Variants in TMEM150C observed in about 807,000 individuals in gnomAD.
TMEM150C encodes tentonin 3.
Under a neutral mutation model 29.9 loss-of-function variants are expected in TMEM150C, and 10 were observed. That is an observed-to-expected ratio of 0.33 (90% CI 0.21 to 0.57). The LOEUF (loss-of-function observed/expected upper bound fraction) is 0.57, where lower values mean the gene tolerates loss of function less well. TMEM150C is among the 20% of genes least tolerant of loss of function. The pLI is 0.88. For synonymous variants in TMEM150C, 101 were observed against 112.5 expected, an observed-to-expected ratio of 0.90 and a Z score of 0.64; for missense variants, 251 against 303.6, an observed-to-expected ratio of 0.83 and a Z score of 1.29.
At chr4:82,557,734 CTTTTTT>C (rs767919077) in intron 1 of TMEM150C, among the ~76,000 whole-genome samples, 1 of 131,376 alleles carries the variant, frequency 7.6e-6, no homozygotes, top group Non-Finnish European at 1.6e-5. Flanking sequence ...TTTTCTTTTT[CTTTTTT>C]TTTTTTTTTT....
chr4:82,486,335 T>TAAAAAAAAA (rs527967958), intron 7 of TMEM150C, among the ~76,000 whole-genome samples: 59 of 51,288 alleles, frequency 1.2e-3, no homozygotes, highest in African/African-American at 4.6e-3. Flanking sequence ...GACTCCATCT[T>TAAAAAAAAA]AAAAAAAAAA....
chr4:82,504,819 A>G (rs952958844), intron 1 of TMEM150C, among the ~76,000 whole-genome samples, 152 bp from the exon 2 acceptor site: 1 of 152,144 alleles, frequency 6.6e-6, no homozygotes, highest in African/African-American at 2.4e-5. Flanking sequence ...TCACGAGGTC[A>G]GGAGATCGAG....
chr4:82,556,519 T>A (rs1254149904), intron 1 of TMEM150C, among the ~76,000 whole-genome samples: 1 of 152,190 alleles, frequency 6.6e-6, no homozygotes, highest in African/African-American at 2.4e-5. Context: ...AAAATTGTTT[T>A]GAAAACACTA....
chr4:82,516,286 G>A lies in TMEM150C; in HGVS notation c.-10-11619C>T, dbSNP rs190886217. ...AACCTCCTCCTCAAACAAGCTGGCA[G>A]CTGCTCAGTGGATGTGTTATACCAG... On this transcript the variant is annotated intron_variant, in intron 1 of 7. Coordinates refer to ENST00000449862, the MANE Select transcript of TMEM150C (RefSeq NM_001080506.3). Among the ~76,000 whole-genome samples, 427 of 152,212 alleles carry A rather than the reference G, an allele frequency of 2.8e-3. 3 individuals carry two copies. Among genetic ancestry groups the A allele is most frequent in the African/African-American group, 9.8e-3 (408 of 41,468 alleles).
intron 1 of TMEM150C, among the ~76,000 whole-genome samples, chr4:82,539,456 C>G (rs1293176826): frequency 1.6e-5 from 2 of 123,350 alleles, no homozygotes; most frequent in Non-Finnish European, 3.2e-5. Flanking sequence ...AAAATCCAAA[C>G]AACTTTTTTT....
chr4:82,548,542 G>A (rs1374369701), intron 1 of TMEM150C, among the ~76,000 whole-genome samples: 2 of 152,164 alleles, frequency 1.3e-5, no homozygotes, highest in East Asian at 3.8e-4. Flanking sequence ...CTGCAGTCCA[G>A]TCCCTCTGAA....
intron 2 of TMEM150C, 47 bp downstream of exon 2, chr4:82,504,531 C>T (rs1209386775): frequency 6.6e-7 from 1 of 1,518,282 alleles, no homozygotes; most frequent in Non-Finnish European, 9.1e-7. Context: ...ACATTTGTAT[C>T]TACATTGCAC....
intron 6 of TMEM150C, 107 bp downstream of exon 6, chr4:82,495,961 C>T (rs1723543645): frequency 1.4e-6 from 2 of 1,417,890 alleles, no homozygotes; most frequent in Non-Finnish European, 1.9e-6. Context: ...AAGGTTTGTG[C>T]AGAATTATAT....
chr4:82,493,667 A>C (rs75792716), intron 6 of TMEM150C, among the ~76,000 whole-genome samples: 10,681 of 152,240 alleles, frequency 0.07, 449 homozygotes, highest in African/African-American at 0.074. Flanking sequence ...TGGTCGAGAG[A>C]AACAATAGTG....
chr4:82,561,660 A>G (rs1414251445), intron 1 of TMEM150C, among the ~76,000 whole-genome samples: 1 of 145,920 alleles, frequency 6.9e-6, no homozygotes, highest in African/African-American at 2.5e-5. Context: ...CAGAGCCGGC[A>G]CCGACTCCTG....
chr4:82,546,041 G>T (rs570437756), intron 1 of TMEM150C, among the ~76,000 whole-genome samples: 1 of 151,952 alleles, frequency 6.6e-6, no homozygotes, highest in Admixed American at 6.6e-5. Context: ...GGAGGTAAAC[G>T]ATCTCTATAA....
chr4:82,555,712 C>T (rs1725714671), intron 1 of TMEM150C, among the ~76,000 whole-genome samples: 3 of 152,172 alleles, frequency 2.0e-5, no homozygotes. Flanking sequence ...GGGCTGTCAC[C>T]AGATTGCGTG....
At chr4:82,538,303 C>T (rs1403099295) in intron 1 of TMEM150C, among the ~76,000 whole-genome samples, 3 of 152,148 alleles carry the variant, frequency 2.0e-5, no homozygotes, top group African/African-American at 7.2e-5. Flanking sequence ...AATGATCCAC[C>T]CATCTCAGTC....
intron 1 of TMEM150C, among the ~76,000 whole-genome samples, chr4:82,560,119 CA>C (rs11337579): frequency 0.28 from 40,834 of 146,344 alleles, 6,701 homozygotes; most frequent in African/African-American, 0.48. Context: ...TGTGTTCACG[CA>C]AAAAAAAAAA....
intron 1 of TMEM150C, among the ~76,000 whole-genome samples, chr4:82,547,284 T>TG (rs567335921): frequency 3.3e-4 from 48 of 145,456 alleles, no homozygotes; most frequent in Admixed American, 1.3e-3. Context: ...CCAACAAACA[T>TG]GAAAAAAAAA....
chr4:82,538,896 A>G (rs890132610), intron 1 of TMEM150C, among the ~76,000 whole-genome samples: 7 of 152,040 alleles, frequency 4.6e-5, no homozygotes, highest in African/African-American at 1.4e-4. Flanking sequence ...CCTTAACTAT[A>G]CCAAAAATAT....
At chr4:82,517,921 G>A (rs778432997) in intron 1 of TMEM150C, among the ~76,000 whole-genome samples, 14 of 152,174 alleles carry the variant, frequency 9.2e-5, no homozygotes, top group Non-Finnish European at 2.1e-4. Flanking sequence ...AATGAAGCAC[G>A]TAGAGCAATA....
At chr4:82,538,604 T>TA (rs1215881017) in intron 1 of TMEM150C, among the ~76,000 whole-genome samples, 2 of 151,868 alleles carry the variant, frequency 1.3e-5, no homozygotes, top group Non-Finnish European at 2.9e-5. Flanking sequence ...ATAAGATGGG[T>TA]AAAAAAAGTC....
chr4:82,530,861 C>T (rs75277216), intron 1 of TMEM150C, among the ~76,000 whole-genome samples: 1 of 152,092 alleles, frequency 6.6e-6, no homozygotes, highest in African/African-American at 2.4e-5. Context: ...GAAGCAAGCA[C>T]GTCTTACATG....
Sources: gnomAD v4.1 joint callset for allele counts (sites outside exome capture counted in the v4.1 genomes callset) on GRCh38, gnomAD v4.1.1 for gene constraint, MANE v1.5 for transcripts, NCBI Gene and HGNC (gene_info 2026-07-23, HGNC 2026-07-21) for gene names.